KCNN2: variants seen among roughly 807,000 people sequenced by gnomAD.
KCNN2 encodes the protein small conductance calcium-activated potassium channel protein 2.
Under a neutral mutation model 55.5 loss-of-function variants are expected in KCNN2, and 24 were observed. The ratio of observed to expected loss-of-function variants is 0.43; its 90% CI spans 0.31 to 0.61. KCNN2 has a LOEUF of 0.61. Ranked by LOEUF, KCNN2 falls within the 20% of genes least tolerant of loss-of-function variation. The pLI, the probability that KCNN2 is intolerant of heterozygous loss-of-function variation, is 0.08. For synonymous variants in KCNN2, 431 were observed against 336.1 expected, an observed-to-expected ratio of 1.28 and a Z score of -3.09; for missense variants, 754 against 853.6, an observed-to-expected ratio of 0.88 and a Z score of 1.45.
intron 2 of KCNN2, among the ~76,000 whole-genome samples, chr5:114,337,388 A>T (rs1177313099): frequency 6.6e-6 from 1 of 152,206 alleles, no homozygotes. Flanking sequence ...CATAGAAGAA[A>T]GATGTCCCAT....
intron 1 of KCNN2, among the ~76,000 whole-genome samples, chr5:114,123,394 G>A (rs1478603275): frequency 4.1e-5 from 2 of 48,388 alleles, no homozygotes; most frequent in Non-Finnish European, 3.7e-5. Context: ...ACAGAGTCTC[G>A]CTCTGTTGCC....
intron 1 of KCNN2, among the ~76,000 whole-genome samples, chr5:114,217,453 G>T (rs758483816): frequency 5.3e-5 from 8 of 152,092 alleles, no homozygotes; most frequent in Non-Finnish European, 7.4e-5. Flanking sequence ...CCACATAAAT[G>T]TAGTCAACTA....
intron 5 of KCNN2, 42 bp from the exon 6 acceptor site, chr5:114,487,008 T>A (rs1194747740): frequency 6.2e-7 from 1 of 1,609,688 alleles, no homozygotes. Context: ...CAAAGGATTC[T>A]GCTCTGGAAT....
Position 114,486,802 on chromosome 5 carries a change from G to T in KCNN2, c.1891-248G>T, listed in dbSNP as rs191837276. On this transcript the variant is annotated intron_variant, in intron 5 of 7. Coordinates refer to ENST00000673685, the MANE Select transcript of KCNN2 (RefSeq NM_021614.4). ...TGAATAAAAAAGAAGTTTCCTGAAG[G>T]AGTAAGATAGAATTTACCACAGAAA... The T allele has an allele frequency of 3.0e-4, 402 of 1,343,468 alleles. No individual in the cohort carries two copies. In the African/African-American group the frequency reaches 5.8e-3, roughly 19 times the overall value. The allele number at this position is 1,343,468 out of a possible 1,614,324, so 83.2% of individuals were successfully genotyped here.
exon 1 of KCNN2, chr5:114,056,168 C>A (rs1356343776): frequency 4.3e-5 from 17 of 391,602 alleles, no homozygotes; most frequent in Middle Eastern, 6.3e-4. Context: ...AGTTGGACCC[C>A]AATCAGCAGC....
intron 1 of KCNN2, among the ~76,000 whole-genome samples, chr5:114,082,232 G>C (rs1750841953): frequency 6.6e-6 from 1 of 151,912 alleles, no homozygotes; most frequent in African/African-American, 2.4e-5. Context: ...GCTGAAATTG[G>C]AGGATTACTT....
intron 2 of KCNN2, among the ~76,000 whole-genome samples, chr5:114,225,432 G>T (rs770560522): frequency 6.6e-6 from 1 of 152,066 alleles, no homozygotes; most frequent in Admixed American, 6.5e-5. Context: ...TGGAATAGAA[G>T]AAATAATCAC....
intron 1 of KCNN2, among the ~76,000 whole-genome samples, chr5:114,183,619 T>G (rs1246276119): frequency 6.6e-6 from 1 of 152,108 alleles, no homozygotes; most frequent in African/African-American, 2.4e-5. Flanking sequence ...GTGTTGAATT[T>G]GCAGTGTAAA....
chr5:114,157,744 G>T (rs1346872481), intron 1 of KCNN2, among the ~76,000 whole-genome samples: 1 of 151,918 alleles, frequency 6.6e-6, no homozygotes, highest in Non-Finnish European at 1.5e-5. Flanking sequence ...ATTTGCATTT[G>T]TCTGATGGCC....
At chr5:114,178,466 C>T (rs1753178844) in intron 1 of KCNN2, among the ~76,000 whole-genome samples, 1 of 152,156 alleles carries the variant, frequency 6.6e-6, no homozygotes, top group African/African-American at 2.4e-5. Flanking sequence ...TATGGAAGTA[C>T]ACACATTTTC....
intron 2 of KCNN2, among the ~76,000 whole-genome samples, chr5:114,238,731 T>G (rs962939406): frequency 6.6e-6 from 1 of 152,202 alleles, no homozygotes; most frequent in East Asian, 1.9e-4. Context: ...CAATTTATGT[T>G]AATTTAGAAT....
intron 3 of KCNN2, among the ~76,000 whole-genome samples, chr5:114,434,153 C>T (rs374795123): frequency 6.6e-6 from 1 of 150,658 alleles, no homozygotes. Flanking sequence ...CACTTTTTAT[C>T]CTTTTTAGCA....
chr5:114,263,048 C>A (rs894178622), intron 2 of KCNN2, among the ~76,000 whole-genome samples: 1 of 152,144 alleles, frequency 6.6e-6, no homozygotes, highest in Non-Finnish European at 1.5e-5. Context: ...GACTTGGAAT[C>A]AGGACAACTG....
Position 114,458,856 on chromosome 5 carries a change from G to A in KCNN2, c.1638-4193G>A, listed in dbSNP as rs570488007. 3.7e-4 allele frequency among the ~76,000 whole-genome samples: 56 copies of A among 152,288 alleles called. No homozygotes were observed. The South Asian group carries it at 8.9e-3, about 24-fold the overall frequency. ...CAAACGAGGGTTAGAGAGAAGGGGG[G>A]ACGTGTTTCCCAGCAGAAGGAAATA... is the stretch of plus-strand genomic sequence containing the variant. On this transcript the variant is annotated intron_variant, in intron 3 of 7. Transcript: ENST00000673685.
At chr5:114,078,590 A>G (rs544411440) in intron 1 of KCNN2, among the ~76,000 whole-genome samples, 35 of 152,268 alleles carry the variant, frequency 2.3e-4, no homozygotes, top group African/African-American at 7.9e-4. Context: ...ATCAGTTCCT[A>G]TGGGGGTGGG....
At chr5:114,303,654 C>T (rs1224681952) in intron 2 of KCNN2, among the ~76,000 whole-genome samples, 2 of 152,146 alleles carry the variant, frequency 1.3e-5, no homozygotes, top group African/African-American at 4.8e-5. Context: ...TACATAAAAA[C>T]TCATTGCAGT....
At chr5:114,184,605 G>A (rs544085727) in intron 1 of KCNN2, among the ~76,000 whole-genome samples, 2 of 152,050 alleles carry the variant, frequency 1.3e-5, no homozygotes, top group Admixed American at 6.5e-5. Context: ...AAGAATGCTG[G>A]ATTATATTTA....
chr5:114,342,007 T>C lies in KCNN2; in HGVS notation c.-184-18938T>C, dbSNP rs560518583. Among the ~76,000 whole-genome samples, 3 of 151,818 alleles carry C rather than the reference T, an allele frequency of 2.0e-5. No homozygotes were observed. In the South Asian group the frequency reaches 6.3e-4, roughly 32 times the overall value. On this transcript the variant is annotated intron_variant, in intron 2 of 10. Transcript: ENST00000512097. ...AGCTCAGCCTCCTGGGTTCACGCCATTCTCCTGCCTCAGCCTCCCAAGTAG... is the reference window on the plus strand; with the variant it reads ...AGCTCAGCCTCCTGGGTTCACGCCACTCTCCTGCCTCAGCCTCCCAAGTAG...
chr5:114,184,455 G>A (rs1052172108), intron 1 of KCNN2, among the ~76,000 whole-genome samples: 6 of 152,116 alleles, frequency 3.9e-5, no homozygotes, highest in African/African-American at 1.4e-4. Flanking sequence ...TGCAAATTCT[G>A]CAGTAATTAA....
Sources: gnomAD v4.1 joint callset for allele counts (sites outside exome capture counted in the v4.1 genomes callset) on GRCh38, gnomAD v4.1.1 for gene constraint, MANE v1.5 for transcripts, NCBI Gene and HGNC (gene_info 2026-07-23, HGNC 2026-07-21) for gene names.